The following ATP4A variants were observed in gnomAD, a reference collection of about 807,000 sequenced individuals.
ATP4A encodes the protein potassium-transporting ATPase alpha chain 1.
A neutral mutation model predicts 112.1 loss-of-function variants in ATP4A; 73 were observed. The observed-to-expected ratio is 0.65, with a 90% confidence interval of 0.54 to 0.79. The LOEUF is 0.79. ATP4A is among the 30% of genes least tolerant of loss of function. The probability of loss-of-function intolerance (pLI) is 0.00; values close to 1 mark genes in which losing one functional copy is unlikely to be tolerated. For synonymous variants in ATP4A, 588 were observed against 588.9 expected (o/e 1.00, Z 0.02); for missense variants, 1,081 against 1,425.9 (o/e 0.76, Z 3.90).
In ATP4A at chr19:35,551,602, A is replaced by G; in HGVS notation, c.2752-22T>C. 4.4e-6 allele frequency: 7 copies of G among 1,606,726 alleles called. No homozygotes were observed. The highest frequency in any genetic ancestry group is 5.9e-6 in the Non-Finnish European group (7 of 1,176,566). ...ATGTCTGCAGGCCAGGGGCAAACGGAAACAGCCTGAGTCCAGCCTGAGTCC... is the reference window on the plus strand; with the variant it reads ...ATGTCTGCAGGCCAGGGGCAAACGGGAACAGCCTGAGTCCAGCCTGAGTCC... On this transcript the variant is annotated intron_variant, in intron 18 of 21. Coordinates refer to ENST00000262623, the MANE Select transcript of ATP4A (RefSeq NM_000704.3). This position sits in a 1 kb window ranked among gnomAD's most constrained non-coding sequence, Gnocchi z 5.2.
At position 35,555,109 on chromosome 19, in the gene ATP4A, A is replaced by G. The variant is rs1445706282; in HGVS notation, c.2327-33T>C. On this transcript the variant is annotated intron_variant, in intron 15 of 21. Coordinates refer to ENST00000262623, the MANE Select transcript of ATP4A (RefSeq NM_000704.3). The surrounding 1 kb of genome is among the most constrained non-coding windows in gnomAD (Gnocchi z 6.6). Reference sequence around the variant, plus strand: ...GTAGGGTGGGCACCTCAGCCTCCTCACAGCCCTCTCCCTCCTGTGCCCACA... The same window carrying G: ...GTAGGGTGGGCACCTCAGCCTCCTCGCAGCCCTCTCCCTCCTGTGCCCACA... 6.8e-6 allele frequency: 11 copies of G among 1,613,316 alleles called. No individual in the cohort carries two copies. In the Admixed American group the frequency reaches 1.8e-4, roughly 27 times the overall value.
chr19:35,558,800 G>C lies in ATP4A; in HGVS notation c.1256-114C>G. 7.8e-7 allele frequency: 1 copy of C among 1,284,528 alleles called. No homozygotes were observed. The highest frequency in any genetic ancestry group is 1.1e-6 in the Non-Finnish European group (1 of 946,398). The allele number at this position is 1,284,528 out of a possible 1,614,324, so 79.6% of individuals were successfully genotyped here. On this transcript the variant is annotated intron_variant, in intron 8 of 21. Coordinates refer to ENST00000262623, the MANE Select transcript of ATP4A (RefSeq NM_000704.3). The surrounding 1 kb of genome is among the most constrained non-coding windows in gnomAD (Gnocchi z 5.1). ...CCCCTCCCCAGACCTGGGTGGAATT[G>C]GGTTCCACCCAACCCTGAGGGACCC...
chr19:35,554,676 A>G (rs1166354174), intron 16 of ATP4A, among the ~76,000 whole-genome samples: 1 of 152,000 alleles, frequency 6.6e-6, no homozygotes, highest in African/African-American at 2.4e-5. Flanking sequence ...TATCTGAGTC[A>G]TGTGTGTGCA....
In ATP4A at chr19:35,558,283, T is replaced by C; in HGVS notation, c.1500+79A>G. 6.7e-7 allele frequency: 1 copy of C among 1,502,490 alleles called. No homozygotes were observed. Among genetic ancestry groups the C allele is most frequent in the Non-Finnish European group, 8.9e-7 (1 of 1,119,200 alleles). 93.1% of individuals were successfully genotyped at this position (1,502,490 alleles called of 1,614,324 possible). A position where few individuals can be genotyped will look rare whatever the true frequency, so the allele number is the denominator to read the frequency against. ...AAGGGGCAAGGAGCGAAGCCCCTCG[T>C]GGCCCGCTGATGTGGGTGTGGCCTG... On this transcript the variant is annotated intron_variant, in intron 10 of 21. Coordinates refer to ENST00000262623, the MANE Select transcript of ATP4A (RefSeq NM_000704.3). This position sits in a 1 kb window ranked among gnomAD's most constrained non-coding sequence, Gnocchi z 5.1.
Position 35,560,890 on chromosome 19 carries a change from CGGTGACG to C in ATP4A, c.456_462del (p.Val153AlafsTer50). 6.2e-7 allele frequency: 1 copy of C among 1,613,794 alleles called. No individual in the cohort carries two copies. The highest frequency in any genetic ancestry group is 8.5e-7 in the Non-Finnish European group (1 of 1,179,930). Reference sequence around the variant, plus strand: ...AATTCCTGGTAGTAGCCAAAGCAGCCGGTGACGACAACCACAGCAATGAGAGCGATTG... The same window carrying C: ...AATTCCTGGTAGTAGCCAAAGCAGCCACAACCACAGCAATGAGAGCGATTG... On this transcript the variant is annotated frameshift_variant, in exon 5 of 22. Transcript: ENST00000262623. LOFTEE classifies it high-confidence loss of function. This position sits in a 1 kb window ranked among gnomAD's most constrained non-coding sequence, Gnocchi z 5.1.
At chr19:35,561,098 T>C (rs1286943498) in intron 4 of ATP4A, among the ~76,000 whole-genome samples, 166 bp from the exon 5 acceptor site, 2 of 152,060 alleles carry the variant, frequency 1.3e-5, no homozygotes, top group Admixed American at 6.6e-5. Context: ...CCCCCTCCCA[T>C]GTCCCTCATG....
chr19:35,554,544 T>A (rs1019737252), intron 16 of ATP4A, among the ~76,000 whole-genome samples: 8 of 152,258 alleles, frequency 5.3e-5, no homozygotes, highest in African/African-American at 1.9e-4. Context: ...GGTTCTTTTC[T>A]GTCTGTCTGC....
chr19:35,558,462 A>T lies in ATP4A; in HGVS notation c.1400T>A (p.Leu467Gln). The T allele has an allele frequency of 6.2e-7, 1 of 1,601,834 alleles. No individual in the cohort carries two copies. The highest frequency in any genetic ancestry group is 8.5e-7 in the Non-Finnish European group (1 of 1,174,760). Residue 467 changes from leucine to glutamine, a missense_variant, in exon 10 of 22, where the codon CTG becomes CAG. Physicochemically the swap from Leu to Gln is moderately radical, Grantham distance 113 (BLOSUM62 -2). Transcript: ENST00000262623. The surrounding 1 kb of genome is among the most constrained non-coding windows in gnomAD (Gnocchi z 5.1). ...IVIGDASETA[L>Q]LKFSELTLGN... ...CAGCGTCAGCTCCGAGAACTTGAGC[A>T]GCGCCGTCTCCGATGCGTCTCCAAT...
chr19:35,560,997 C>T lies in ATP4A; in HGVS notation c.421-65G>A. 7.3e-6 allele frequency: 10 copies of T among 1,372,752 alleles called. No homozygotes were observed. Among genetic ancestry groups the T allele is most frequent in the Non-Finnish European group, 1.0e-5 (10 of 963,484 alleles). 85.0% of individuals were successfully genotyped at this position (1,372,752 alleles called of 1,614,324 possible). On this transcript the variant is annotated intron_variant, in intron 4 of 21. Transcript: ENST00000262623. This position sits in a 1 kb window ranked among gnomAD's most constrained non-coding sequence, Gnocchi z 5.1. ...GAAGCTGCCTGCCTGAGGCCACCGA[C>T]CTGCTCCCTGGTGCCCTGGTTTTCT...
At position 35,557,124 on chromosome 19, in the gene ATP4A, GGCACACCCTTTCTTA is replaced by G; in HGVS notation, c.1694-51_1694-37del. On this transcript the variant is annotated intron_variant, in intron 11 of 21. Transcript: ENST00000262623. The surrounding 1 kb of genome is among the most constrained non-coding windows in gnomAD (Gnocchi z 4.4). ...ACGGGGAAGTCAGGGAAGAGCCCTG[GGCACACCCTTTCTTA>G]GCAGGGCCAGGAAATGGGTAAAATA... The G allele has an allele frequency of 6.2e-7, 1 of 1,609,674 alleles. No individual in the cohort carries two copies. Among genetic ancestry groups the G allele is most frequent in the East Asian group, 2.2e-5 (1 of 44,846 alleles).
chr19:35,560,796 T>C lies in ATP4A; in HGVS notation c.534+23A>G. On this transcript the variant is annotated intron_variant, in intron 5 of 21. Transcript: ENST00000262623. The surrounding 1 kb of genome is among the most constrained non-coding windows in gnomAD (Gnocchi z 5.1). The stretch of plus-strand genomic sequence containing the variant: ...AGTTTGGAGTCTCTGGGATCTGGAG[T>C]GGCTGGGTGCTGGGGAACCCACCTG... 3 of 1,608,580 alleles carry C rather than the reference T, an allele frequency of 1.9e-6. No individual in the cohort carries two copies. Among genetic ancestry groups the C allele is most frequent in the Non-Finnish European group, 2.6e-6 (3 of 1,175,196 alleles).
rs2071621131 is a variant in ATP4A at position 35,554,853 on chromosome 19, C to T, written c.2481+69G>A. 13 of 1,596,362 alleles carry T rather than the reference C, an allele frequency of 8.1e-6. No individual in the cohort carries two copies. In the South Asian group the frequency reaches 1.3e-4, roughly 16 times the overall value. ...AAGAGTGTCTGTGGTGGTCTCTGTC[C>T]CTCCTGTCCATCTGCAAGCAAGTGT... is the stretch of plus-strand genomic sequence containing the variant. On this transcript the variant is annotated intron_variant, in intron 16 of 21. Coordinates refer to ENST00000262623, the MANE Select transcript of ATP4A (RefSeq NM_000704.3).
At position 35,551,210 on chromosome 19, in the gene ATP4A, G is replaced by A; in HGVS notation, c.2886-99C>T. 1 of 1,299,060 alleles carries A rather than the reference G, an allele frequency of 7.7e-7. No homozygotes were observed. The highest frequency in any genetic ancestry group is 1.1e-6 in the Non-Finnish European group (1 of 925,048). 80.5% of individuals were successfully genotyped at this position (1,299,060 alleles called of 1,614,324 possible). A position where few individuals can be genotyped will look rare whatever the true frequency, so the allele number is the denominator to read the frequency against. On this transcript the variant is annotated intron_variant, in intron 19 of 21. Transcript: ENST00000262623. The surrounding 1 kb of genome is among the most constrained non-coding windows in gnomAD (Gnocchi z 5.2). Reference sequence around the variant, plus strand: ...GTAGGTCAGATGTCAGCAGCAGCAGGGAGGTGTTCTACACACTGAACACTG... The same window carrying A: ...GTAGGTCAGATGTCAGCAGCAGCAGAGAGGTGTTCTACACACTGAACACTG...
At position 35,555,030 on chromosome 19, in the gene ATP4A, C is replaced by T. The variant is rs1041113616; in HGVS notation, c.2373G>A (p.Leu791=). ...GTGTCAGCTCTGGGATGTTCTTGGT[C>T]AATGTGTAGGCAATAGACTTCTTCA... ...DNLKKSIAYT[L]TKNIPELTPY... The change falls in exon 16 of 22, where the codon TTG becomes TTA. Residue 791 remains leucine (L), a synonymous_variant. Transcript: ENST00000262623. This position sits in a 1 kb window ranked among gnomAD's most constrained non-coding sequence, Gnocchi z 6.6. 2.5e-6 allele frequency: 4 copies of T among 1,613,946 alleles called. No individual in the cohort carries two copies. In the African/African-American group the frequency reaches 5.3e-5, roughly 22 times the overall value.
At position 35,554,961 on chromosome 19, in the gene ATP4A, C is replaced by T. The variant is rs757964467; in HGVS notation, c.2442G>A (p.Gly814=). ...GTTCGATGAAGAGGATGGTGATGCA[C>T]CCGAGGGGCAGGGGCACGCTGACGG... ...YITVSVPLPL[G]CITILFIELC... Residue 814 remains glycine, a synonymous_variant, in exon 16 of 22, where the codon GGG becomes GGA. Coordinates refer to ENST00000262623, the MANE Select transcript of ATP4A (RefSeq NM_000704.3). The T allele has an allele frequency of 2.5e-6, 4 of 1,614,090 alleles. No individual in the cohort carries two copies. Among genetic ancestry groups the T allele is most frequent in the Admixed American group, 1.7e-5 (1 of 60,008 alleles).
At chr19:35,554,850 G>T in intron 16 of ATP4A, 72 bp downstream of exon 16, 1 of 1,591,336 alleles carries the variant, frequency 6.3e-7, no homozygotes, top group Non-Finnish European at 8.6e-7. Context: ...GGTGGTCTCT[G>T]TCCCTCCTGT....
Position 35,558,715 on chromosome 19 carries a change from C to T in ATP4A, c.1256-29G>A. 1.9e-6 allele frequency: 3 copies of T among 1,554,610 alleles called. No homozygotes were observed. The highest frequency in any genetic ancestry group is 2.6e-6 in the Non-Finnish European group (3 of 1,152,090). ...CAGACCAGGCGTCCAGGCTGGGTCC[C>T]GCACGGCGGCTCTCCCGGACCAGAA... On this transcript the variant is annotated intron_variant, in intron 8 of 21. Transcript: ENST00000262623. The surrounding 1 kb of genome is among the most constrained non-coding windows in gnomAD (Gnocchi z 5.1).
chr19:35,561,316 C>A (rs531764138), intron 4 of ATP4A, among the ~76,000 whole-genome samples: 3 of 152,160 alleles, frequency 2.0e-5, no homozygotes, highest in Non-Finnish European at 4.4e-5. Context: ...CCTCCTGTCC[C>A]CATGGCCTGT....
chr19:35,560,843 G>C lies in ATP4A; in HGVS notation c.510C>G (p.Ala170=). The change falls in exon 5 of 22, where the codon GCC becomes GCG. Residue 170 remains alanine, a synonymous_variant. Transcript: ENST00000262623. This position sits in a 1 kb window ranked among gnomAD's most constrained non-coding sequence, Gnocchi z 5.1. ...YQEFKSTNII[A]SFKNLVPQQA... Reference sequence around the variant, plus strand: ...CCTGTGGCACAAGGTTCTTAAAGCTGGCGATGATGTTGGTGCTCTTGAATT... The same window carrying C: ...CCTGTGGCACAAGGTTCTTAAAGCTCGCGATGATGTTGGTGCTCTTGAATT... 1 of 1,614,034 alleles carries C rather than the reference G, an allele frequency of 6.2e-7. No homozygotes were observed. Among genetic ancestry groups the C allele is most frequent in the Non-Finnish European group, 8.5e-7 (1 of 1,179,966 alleles).
Sources: allele counts gnomAD v4.1 joint callset (sites outside exome capture counted in the v4.1 genomes callset), GRCh38; gene constraint gnomAD v4.1.1; non-coding constraint Gnocchi (gnomAD v3.1); transcripts MANE v1.5; gene names NCBI Gene and HGNC (gene_info 2026-07-23, HGNC 2026-07-21).